The following METTL25 variants were observed in gnomAD, a reference collection of about 807,000 sequenced individuals.
METTL25 encodes probable methyltransferase-like protein 25.
METTL25 carries 64 observed loss-of-function variants against 71.6 expected under a neutral mutation model. That is an observed-to-expected ratio of 0.89 (90% CI 0.73 to 1.10). The LOEUF (loss-of-function observed/expected upper bound fraction) is 1.10, where lower values mean the gene tolerates loss of function less well. Ranked by LOEUF, METTL25 falls within the 50% of genes least tolerant of loss-of-function variation. METTL25 has a pLI of 0.00. For missense variants in METTL25, 807 were observed against 707.0 expected (o/e 1.14, Z -1.60); for synonymous variants, 287 against 250.3 (o/e 1.15, Z -1.38).
Position 82,358,832 on chromosome 12 carries a change from G to T in METTL25, c.259+8G>T, listed in dbSNP as rs1221015482. On this transcript the variant is annotated splice_region_variant and intron_variant, in intron 1 of 11. Transcript: ENST00000248306. ...AAGCAGAGTGGGAAGCAGGTGGGTG[G>T]TGGGGTAGGCGGGGCGGGAAGGGAG... 20 of 1,606,556 alleles carry T rather than the reference G, an allele frequency of 1.2e-5. No individual in the cohort carries two copies. The highest frequency in any genetic ancestry group is 1.4e-5 in the Non-Finnish European group (17 of 1,175,342).
chr12:82,406,490 A>G (rs1303304665), intron 5 of METTL25, among the ~76,000 whole-genome samples: 8 of 152,106 alleles, frequency 5.3e-5, no homozygotes, highest in Admixed American at 5.2e-4. Flanking sequence ...CTGTATCAGC[A>G]CAGAGAACGT....
At chr12:82,424,396 G>T (rs1474818782) in intron 5 of METTL25, among the ~76,000 whole-genome samples, 1 of 151,592 alleles carries the variant, frequency 6.6e-6, no homozygotes, top group Non-Finnish European at 1.5e-5. Context: ...TGGGGTGGGG[G>T]AAGGGGGGAG....
intron 5 of METTL25, among the ~76,000 whole-genome samples, chr12:82,416,937 T>C (rs770113391): frequency 1.3e-5 from 2 of 152,152 alleles, no homozygotes; most frequent in Admixed American, 6.6e-5. Context: ...CAAGAAAATT[T>C]TATAGAATTG....
intron 5 of METTL25, among the ~76,000 whole-genome samples, chr12:82,418,486 A>G (rs1888180629): frequency 1.3e-5 from 2 of 152,244 alleles, no homozygotes; most frequent in South Asian, 4.1e-4. Context: ...ACCCACTTTA[A>G]AAAATGTGTG....
intron 8 of METTL25, among the ~76,000 whole-genome samples, chr12:82,450,939 CTCT>C (rs1443140743): frequency 6.6e-6 from 1 of 151,988 alleles, no homozygotes; most frequent in Non-Finnish European, 1.5e-5. Flanking sequence ...GCTTTCTCTC[CTCT>C]ATCACCAGGT....
At chr12:82,374,863 T>C (rs1013503823) in intron 1 of METTL25, among the ~76,000 whole-genome samples, 2 of 152,190 alleles carry the variant, frequency 1.3e-5, no homozygotes, top group African/African-American at 4.8e-5. Context: ...CTTTTTGAAA[T>C]CATCCTTCCA....
At position 82,367,204 on chromosome 12, in the gene METTL25, T is replaced by C. The variant is rs1197261198; in HGVS notation, c.259+8380T>C. 3.9e-5 allele frequency among the ~76,000 whole-genome samples: 6 copies of C among 152,220 alleles called. No homozygotes were observed. In the East Asian group the frequency reaches 1.2e-3, roughly 29 times the overall value. On this transcript the variant is annotated intron_variant, in intron 1 of 11. Coordinates refer to ENST00000248306, the MANE Select transcript of METTL25 (RefSeq NM_032230.3). ...GTTGCATTTTTCCTCATTCTACTTA[T>C]ATTATACTGTTTTCCTGTGTTTAGC... is the stretch of plus-strand genomic sequence containing the variant.
intron 5 of METTL25, among the ~76,000 whole-genome samples, chr12:82,430,535 A>G (rs2137145340): frequency 6.6e-6 from 1 of 151,812 alleles, no homozygotes; most frequent in East Asian, 1.9e-4. Flanking sequence ...TCATTTTTAA[A>G]AAGTCAGACC....
At chr12:82,413,352 A>G (rs1003860423) in intron 5 of METTL25, among the ~76,000 whole-genome samples, 4 of 152,100 alleles carry the variant, frequency 2.6e-5, no homozygotes, top group Admixed American at 6.6e-5. Context: ...GATACTGAAG[A>G]TATCTAAATG....
intron 5 of METTL25, among the ~76,000 whole-genome samples, chr12:82,410,149 C>T (rs1887440322): frequency 6.8e-6 from 1 of 146,650 alleles, no homozygotes; most frequent in South Asian, 2.1e-4. Flanking sequence ...ACTGTTTAAG[C>T]TTACTTAAAC....
chr12:82,425,083 G>T (rs953010031), intron 5 of METTL25, among the ~76,000 whole-genome samples: 3 of 152,048 alleles, frequency 2.0e-5, no homozygotes, highest in African/African-American at 7.2e-5. Flanking sequence ...GTATAGATAA[G>T]ATATCCTAGA....
Position 82,389,853 on chromosome 12 carries a change from G to T in METTL25, c.462G>T (p.Lys154Asn), listed in dbSNP as rs1413815547. ...NQKAVEFMNM[K>N]KSHEVQAMSE... ...AGGCAGTTGAGTTTATGAATATGAA[G>T]AAATCTCATGAAGTTCAGGCAATGT... The change falls in exon 3 of 12, where the codon AAG (lysine) becomes AAT (asparagine). Residue 154 changes from lysine (K) to asparagine (N), a missense_variant. Physicochemically the swap from Lys to Asn is moderately conservative, Grantham distance 94 (BLOSUM62 0). Transcript: ENST00000248306. 2.5e-6 allele frequency: 4 copies of T among 1,604,694 alleles called. No homozygotes were observed. Among genetic ancestry groups the T allele is most frequent in the Non-Finnish European group, 3.4e-6 (4 of 1,174,248 alleles).
chr12:82,394,846 C>T (rs981398100), intron 3 of METTL25, among the ~76,000 whole-genome samples: 5 of 151,722 alleles, frequency 3.3e-5, no homozygotes, highest in Non-Finnish European at 5.9e-5. Context: ...TTAAAACCTT[C>T]GGGAGGTAAG....
Position 82,456,848 on chromosome 12 carries a change from A to T in METTL25, c.1572+28A>T, listed in dbSNP as rs779781424. ...CAGTATATGATGACTCATTATTTTC[A>T]GAAAAGACAGAAGAACTTCTATTTT... is the stretch of plus-strand genomic sequence containing the variant. On this transcript the variant is annotated intron_variant, in intron 9 of 11. Transcript: ENST00000248306. 4.7e-6 allele frequency: 5 copies of T among 1,057,352 alleles called. No homozygotes were observed. In the East Asian group the frequency reaches 1.1e-4, roughly 23 times the overall value. The allele number at this position is 1,057,352 out of a possible 1,614,324, so 65.5% of individuals were successfully genotyped here. A position where few individuals can be genotyped will look rare whatever the true frequency, so the allele number is the denominator to read the frequency against.
chr12:82,361,549 T>C (rs1881901125), intron 1 of METTL25, among the ~76,000 whole-genome samples: 2 of 152,182 alleles, frequency 1.3e-5, no homozygotes, highest in Non-Finnish European at 2.9e-5. Context: ...GCTGCAGGTC[T>C]TGAGCCCTGC....
chr12:82,454,563 C>G (rs1200547772), intron 8 of METTL25, among the ~76,000 whole-genome samples: 3 of 151,906 alleles, frequency 2.0e-5, no homozygotes, highest in Non-Finnish European at 2.9e-5. Flanking sequence ...TATAGCAAAT[C>G]ACTGCTTAAC....
At chr12:82,362,387 T>TC (rs1882048292) in intron 1 of METTL25, among the ~76,000 whole-genome samples, 1 of 152,214 alleles carries the variant, frequency 6.6e-6, no homozygotes, top group Admixed American at 6.5e-5. Context: ...TAGTTCCTCA[T>TC]CTGTAAAATG....
chr12:82,442,088 T>C (rs982520171), intron 8 of METTL25, among the ~76,000 whole-genome samples: 1 of 151,944 alleles, frequency 6.6e-6, no homozygotes, highest in African/African-American at 2.4e-5. Flanking sequence ...ACCCCTCGTT[T>C]CCCCTACTAG....
chr12:82,453,018 G>GT (rs1385673567), intron 8 of METTL25, among the ~76,000 whole-genome samples: 4 of 152,182 alleles, frequency 2.6e-5, no homozygotes, highest in East Asian at 3.9e-4. Flanking sequence ...TTAAATAAAT[G>GT]TTTTTTAAAA....
Sources: allele counts gnomAD v4.1 joint callset (sites outside exome capture counted in the v4.1 genomes callset), GRCh38; gene constraint gnomAD v4.1.1; transcripts MANE v1.5; gene names NCBI Gene and HGNC (gene_info 2026-07-23, HGNC 2026-07-21).